The following VPS53 variants were observed in gnomAD, a reference collection of about 807,000 sequenced individuals.
VPS53 encodes vacuolar protein sorting-associated protein 53 homolog.
VPS53 carries 70 observed loss-of-function variants against 107.0 expected under a neutral mutation model. That is an observed-to-expected ratio of 0.65 (90% CI 0.54 to 0.80). The LOEUF is 0.80. Among genes scored for constraint, VPS53 ranks in the 30% least tolerant of loss-of-function variants. The pLI, the probability that VPS53 is intolerant of heterozygous loss-of-function variation, is 0.00. For synonymous variants in VPS53, 409 were observed against 393.3 expected (o/e 1.04, Z -0.47); for missense variants, 917 against 1,049.4 (o/e 0.87, Z 1.74).
chr17:659,002 CTG>C (rs1971333374), intron 5 of VPS53, among the ~76,000 whole-genome samples: 1 of 151,744 alleles, frequency 6.6e-6, no homozygotes, highest in Admixed American at 6.6e-5. Context: ...GCCTTCTCTC[CTG>C]TAACCTCCAA....
At position 560,584 on chromosome 17, in the gene VPS53, G is replaced by A; in HGVS notation, c.1557-11C>T. ...CTGCTGGTTGTGGTTCTGAAGAAAA[G>A]GAACAGGAACAAGTCAGCATGGAAT... On this transcript the variant is annotated splice_polypyrimidine_tract_variant and intron_variant, in intron 14 of 21. Transcript: ENST00000437048. 6.2e-7 allele frequency: 1 copy of A among 1,611,250 alleles called. No individual in the cohort carries two copies. Among genetic ancestry groups the A allele is most frequent in the Non-Finnish European group, 8.5e-7 (1 of 1,178,368 alleles).
intron 17 of VPS53, among the ~76,000 whole-genome samples, chr17:543,652 C>A (rs79954859): frequency 0.012 from 1,789 of 151,700 alleles, 44 homozygotes; most frequent in African/African-American, 0.04. Flanking sequence ...GGATTTAAAT[C>A]TAAAAGATAG....
At chr17:634,832 T>C (rs1328341261) in intron 7 of VPS53, among the ~76,000 whole-genome samples, 3 of 151,096 alleles carry the variant, frequency 2.0e-5, no homozygotes, top group East Asian at 1.9e-4. Context: ...TCTTTGCTAT[T>C]GTGAATAGTG....
chr17:598,684 C>T (rs1968127132), intron 12 of VPS53, among the ~76,000 whole-genome samples: 1 of 141,132 alleles, frequency 7.1e-6, no homozygotes, highest in Non-Finnish European at 1.6e-5. Context: ...GCATTTCTGC[C>T]CGGCCGCCCC....
At chr17:707,921 A>G (rs1296576489) in intron 2 of VPS53, among the ~76,000 whole-genome samples, 2 of 151,870 alleles carry the variant, frequency 1.3e-5, no homozygotes, top group Non-Finnish European at 1.5e-5. Context: ...ACTGGCAACG[A>G]TAAGCCTAGA....
At chr17:529,548 G>A (rs1316209201) in intron 19 of VPS53, among the ~76,000 whole-genome samples, 1 of 152,092 alleles carries the variant, frequency 6.6e-6, no homozygotes, top group Non-Finnish European at 1.5e-5. Context: ...TTATTGGGCA[G>A]CCTCCTCAGC....
intron 11 of VPS53, among the ~76,000 whole-genome samples, chr17:607,618 G>C (rs1968647210): frequency 6.6e-6 from 1 of 152,142 alleles, no homozygotes. Context: ...GGGTTAGATT[G>C]TCAGTAACTC....
At position 521,663 on chromosome 17, in the gene VPS53, C is replaced by A; in HGVS notation, c.2161G>T (p.Ala721Ser). 6.4e-7 allele frequency: 1 copy of A among 1,550,834 alleles called. No homozygotes were observed. Among genetic ancestry groups the A allele is most frequent in the South Asian group, 1.2e-5 (1 of 83,868 alleles). ...ACGATCTTGGTGTAGCTGGCGGGTG[C>A]CTTCCTCACCACCTGCGAGCTGATG... ...PSISSQVVRK[A>S]PASYTKIVVK... The change falls in exon 20 of 22, where the codon GCA becomes TCA. Residue 721 changes from alanine to serine, a missense_variant. Coordinates refer to ENST00000437048, the MANE Select transcript of VPS53 (RefSeq NM_001128159.3).
chr17:704,823 T>TC (rs1205844413), intron 2 of VPS53, among the ~76,000 whole-genome samples: 32 of 152,202 alleles, frequency 2.1e-4, no homozygotes, highest in Admixed American at 7.2e-4. Context: ...GGTGGTTTCC[T>TC]ACAAAATTTT....
chr17:577,710 A>C (rs994001926), intron 13 of VPS53, among the ~76,000 whole-genome samples: 15 of 151,404 alleles, frequency 9.9e-5, no homozygotes, highest in Admixed American at 4.6e-4. Context: ...AACCTTCCTA[A>C]GCACGTAATT....
chr17:529,398 T>A (rs3220606), intron 19 of VPS53, among the ~76,000 whole-genome samples: 53 of 150,294 alleles, frequency 3.5e-4, no homozygotes, highest in South Asian at 2.9e-3. Context: ...ACACACACAC[T>A]CACACACACA....
At chr17:586,093 C>T (rs1967295708) in intron 13 of VPS53, among the ~76,000 whole-genome samples, 177 bp downstream of exon 13, 1 of 152,070 alleles carries the variant, frequency 6.6e-6, no homozygotes, top group Non-Finnish European at 1.5e-5. Context: ...GATTTATAGA[C>T]ACAATTAATG....
intron 7 of VPS53, 105 bp downstream of exon 7, chr17:653,186 G>T: frequency 1.3e-6 from 2 of 1,559,958 alleles, no homozygotes; most frequent in South Asian, 1.2e-5. Context: ...AAAGCTGCCG[G>T]ATCTGCGGAA....
chr17:633,904 A>C (rs1970071034), intron 7 of VPS53, among the ~76,000 whole-genome samples: 1 of 152,232 alleles, frequency 6.6e-6, no homozygotes, highest in Non-Finnish European at 1.5e-5. Flanking sequence ...GTCACAGGAC[A>C]GCTTCCAGAG....
chr17:541,257 C>T (rs542250627), intron 17 of VPS53, among the ~76,000 whole-genome samples: 41 of 152,280 alleles, frequency 2.7e-4, no homozygotes, highest in Admixed American at 8.5e-4. Flanking sequence ...TAGGTACCTT[C>T]GGCAAGTGCA....
At position 598,996 on chromosome 17, in the gene VPS53, TGG is replaced by T. The variant is rs766745845; in HGVS notation, c.1218+2797_1218+2798del. On this transcript the variant is annotated intron_variant, in intron 12 of 21. Transcript: ENST00000437048. Reference sequence around the variant, plus strand: ...CCAGCCGCCCCGTCCGGGAGGGAGGTGGGGGGGGGGGTCAGCCCCCAACCCGG... The same window carrying T: ...CCAGCCGCCCCGTCCGGGAGGGAGGTGGGGGGGGGTCAGCCCCCAACCCGG... Among the ~76,000 whole-genome samples the T allele has an allele frequency of 6.9e-4, 13 of 18,940 alleles. 2 individuals carry two copies. Among genetic ancestry groups the T allele is most frequent in the South Asian group, 1.9e-3 (1 of 522 alleles). The allele number at this position is 18,940 out of a possible 152,430, so 12.4% of individuals were successfully genotyped here.
intron 9 of VPS53, 97 bp from the exon 10 acceptor site, chr17:627,413 C>G: frequency 7.3e-7 from 1 of 1,366,016 alleles, no homozygotes; most frequent in South Asian, 1.5e-5. Context: ...CAAAAGGGAA[C>G]CAACCTCTGT....
chr17:617,062 C>T (rs1969171017), intron 11 of VPS53, among the ~76,000 whole-genome samples: 1 of 152,236 alleles, frequency 6.6e-6, no homozygotes, highest in African/African-American at 2.4e-5. Context: ...AAGCATCCTT[C>T]ACTGGGACCT....
intron 17 of VPS53, among the ~76,000 whole-genome samples, chr17:542,722 T>C (rs532640378): frequency 2.6e-5 from 4 of 152,334 alleles, no homozygotes; most frequent in Admixed American, 1.3e-4. Flanking sequence ...AACATGCCTG[T>C]AATCCCAGCA....
Sources: allele counts gnomAD v4.1 joint callset (sites outside exome capture counted in the v4.1 genomes callset), GRCh38; gene constraint gnomAD v4.1.1; transcripts MANE v1.5; gene names NCBI Gene and HGNC (gene_info 2026-07-23, HGNC 2026-07-21).